The following GRID2 variants were observed in gnomAD, a reference collection of about 807,000 sequenced individuals.
The protein encoded by GRID2 is glutamate receptor ionotropic, delta-2.
In GRID2, 33 loss-of-function variants were observed where a neutral mutation model predicts 114.8. That is an observed-to-expected ratio of 0.29 (90% CI 0.22 to 0.38). GRID2 has a LOEUF of 0.38. Ranked by LOEUF, GRID2 falls within the 10% of genes least tolerant of loss-of-function variation. The pLI is 1.00. For synonymous variants in GRID2, 505 were observed against 449.9 expected, an observed-to-expected ratio of 1.12 and a Z score of -1.55; for missense variants, 1,184 against 1,257.7, an observed-to-expected ratio of 0.94 and a Z score of 0.89.
chr4:93,487,407 G>A (rs1360929864), intron 11 of GRID2, among the ~76,000 whole-genome samples: 2 of 151,646 alleles, frequency 1.3e-5, no homozygotes, highest in Admixed American at 6.6e-5. Flanking sequence ...CAGGCTATCA[G>A]TTTCCTTCAA....
At chr4:93,634,438 G>C (rs1019518421) in intron 14 of GRID2, among the ~76,000 whole-genome samples, 3 of 152,274 alleles carry the variant, frequency 2.0e-5, no homozygotes, top group Admixed American at 6.5e-5. Flanking sequence ...ATCAACAGCT[G>C]CTAGTTATAA....
intron 2 of GRID2, among the ~76,000 whole-genome samples, chr4:92,860,320 A>G (rs1456180845): frequency 1.3e-5 from 2 of 152,162 alleles, no homozygotes; most frequent in Non-Finnish European, 2.9e-5. Context: ...CAATTTTACA[A>G]GGCTTTGCTT....
intron 4 of GRID2, among the ~76,000 whole-genome samples, chr4:93,146,606 GGAGA>G (rs374663929): frequency 6.6e-6 from 1 of 150,930 alleles, no homozygotes; most frequent in Non-Finnish European, 1.5e-5. Context: ...AGAGAAAGGA[GGAGA>G]GAGAGAGAGA....
At chr4:92,405,629 T>G (rs759948033) in intron 1 of GRID2, among the ~76,000 whole-genome samples, 98 of 151,414 alleles carry the variant, frequency 6.5e-4, no homozygotes, top group South Asian at 1.0e-3. Context: ...TGTTTCCACA[T>G]AGCAATACAT....
At chr4:92,835,551 A>T (rs1427056891) in intron 2 of GRID2, among the ~76,000 whole-genome samples, 1 of 152,112 alleles carries the variant, frequency 6.6e-6, no homozygotes, top group Non-Finnish European at 1.5e-5. Flanking sequence ...CTACATCAGA[A>T]TTGCATGAGG....
chr4:93,027,425 T>C (rs886791008), intron 2 of GRID2, among the ~76,000 whole-genome samples: 5 of 152,064 alleles, frequency 3.3e-5, no homozygotes, highest in Admixed American at 6.6e-5. Context: ...GCAAGTAATA[T>C]ATATATCACA....
At chr4:92,656,215 T>A (rs1192687815) in intron 2 of GRID2, among the ~76,000 whole-genome samples, 1 of 151,816 alleles carries the variant, frequency 6.6e-6, no homozygotes, top group Non-Finnish European at 1.5e-5. Flanking sequence ...TTGTATTTTT[T>A]ATTTTTTGAT....
chr4:92,335,522 C>A (rs1727120695), intron 1 of GRID2, among the ~76,000 whole-genome samples: 1 of 152,154 alleles, frequency 6.6e-6, no homozygotes. Context: ...GCTGCTGAAT[C>A]TCAATTATGA....
intron 2 of GRID2, among the ~76,000 whole-genome samples, chr4:93,047,855 C>A (rs1726295256): frequency 6.7e-6 from 1 of 150,206 alleles, no homozygotes; most frequent in Admixed American, 6.7e-5. Flanking sequence ...CTAGGTCACT[C>A]TGATGACTTA....
rs377552413 is a variant in GRID2, at chr4:93,422,842, T to A, written c.1419T>A (p.Asp473Glu). The A allele has an allele frequency of 1.9e-5, 31 of 1,613,184 alleles. No individual in the cohort carries two copies. In the East Asian group the frequency reaches 2.5e-4, roughly 13 times the overall value. ...KPKKYQGFSIDVLDALSNYLG... is the reference protein window; with the variant it reads ...KPKKYQGFSIEVLDALSNYLG... ...AGAAATACCAGGGCTTCTCCATTGA[T>A]GTTTTGGATGCCTTATCTAACTACC... Residue 473 changes from aspartate to glutamate, a missense_variant, in exon 10 of 16, where the codon GAT (aspartate) becomes GAA (glutamate). By Grantham distance (45) the Asp-to-Glu change is conservative (BLOSUM62 2). Around this residue, in one of 3 missense-constraint regions of GRID2, gnomAD observed 717 missense variants for 796.9 expected, o/e 0.90. Coordinates refer to ENST00000282020, the MANE Select transcript of GRID2 (RefSeq NM_001510.4).
At chr4:93,318,150 C>A (rs963224199) in intron 8 of GRID2, among the ~76,000 whole-genome samples, 9 of 151,082 alleles carry the variant, frequency 6.0e-5, no homozygotes, top group Non-Finnish European at 1.3e-4. Flanking sequence ...GCCTTGTAAA[C>A]TTTCCAATGA....
chr4:93,325,840 T>C (rs1430034150), intron 8 of GRID2, among the ~76,000 whole-genome samples: 1 of 152,098 alleles, frequency 6.6e-6, no homozygotes, highest in Non-Finnish European at 1.5e-5. Context: ...CTCACAGTCA[T>C]TGATTTGATT....
At chr4:93,086,058 A>T (rs1730307048) in intron 3 of GRID2, among the ~76,000 whole-genome samples, 1 of 152,154 alleles carries the variant, frequency 6.6e-6, no homozygotes, top group African/African-American at 2.4e-5. Context: ...TAATCTATAG[A>T]TTCCCTCTTA....
chr4:93,164,933 G>A (rs940660073), intron 4 of GRID2: 5 of 227,252 alleles, frequency 2.2e-5, no homozygotes, highest in East Asian at 1.8e-4. Flanking sequence ...GCACTATGAC[G>A]TAAGAGTTCA....
At chr4:92,531,529 C>CA (rs776989581) in intron 1 of GRID2, among the ~76,000 whole-genome samples, 7 of 151,676 alleles carry the variant, frequency 4.6e-5, no homozygotes, top group Non-Finnish European at 1.0e-4. Flanking sequence ...GATGATGTTA[C>CA]AAAAAAATGG....
chr4:93,012,372 C>G (rs537864615), intron 2 of GRID2, among the ~76,000 whole-genome samples: 11 of 152,084 alleles, frequency 7.2e-5, no homozygotes, highest in African/African-American at 2.6e-4. Flanking sequence ...TAGCATCACC[C>G]CCATATACTA....
chr4:92,464,288 A>G (rs1721642115), intron 1 of GRID2, among the ~76,000 whole-genome samples: 1 of 152,046 alleles, frequency 6.6e-6, no homozygotes, highest in African/African-American at 2.4e-5. Context: ...ACCCCACAGT[A>G]TTCTAACAGG....
rs1251551257 is a variant in GRID2 at position 92,792,497 on chromosome 4, ACACACACT to A, written c.244+202212_244+202219del. ...CACACACACACACACACACACACACACACACACTGTCACTCTCTCTCTCCCTTTCTCTC... is the reference window on the plus strand; with the variant it reads ...CACACACACACACACACACACACACAGTCACTCTCTCTCTCCCTTTCTCTC... On this transcript the variant is annotated intron_variant, in intron 2 of 15. Transcript: ENST00000282020. 2.1e-3 allele frequency among the ~76,000 whole-genome samples: 311 copies of A among 148,756 alleles called. 3 individuals carry two copies. The highest frequency in any genetic ancestry group is 3.5e-3 in the Non-Finnish European group (236 of 66,714).
chr4:92,603,294 A>T (rs1209508700), intron 2 of GRID2, among the ~76,000 whole-genome samples: 1 of 152,182 alleles, frequency 6.6e-6, no homozygotes, highest in Non-Finnish European at 1.5e-5. Flanking sequence ...CCTGACTTCA[A>T]ACTATACTAC....
Sources: gnomAD v4.1 joint callset for allele counts (sites outside exome capture counted in the v4.1 genomes callset) on GRCh38, gnomAD v4.1.1 for gene constraint, gnomAD v4.1.1 regional missense constraint, MANE v1.5 for transcripts, NCBI Gene and HGNC (gene_info 2026-07-23, HGNC 2026-07-21) for gene names.